PCDH15: variants seen among roughly 807,000 people sequenced by gnomAD.
The protein encoded by PCDH15 is protocadherin-15.
PCDH15 carries 129 observed loss-of-function variants against 178.5 expected under a neutral mutation model. The observed-to-expected ratio is 0.72, with a 90% CI of 0.63 to 0.84. PCDH15 has a LOEUF of 0.84. PCDH15 is among the 40% of genes least tolerant of loss of function. The probability of loss-of-function intolerance (pLI) is 0.00; values close to 1 mark genes in which losing one functional copy is unlikely to be tolerated. For synonymous variants in PCDH15, 800 were observed against 732.0 expected, an observed-to-expected ratio of 1.09 and a Z score of -1.50; for missense variants, 2,230 against 2,099.9, an observed-to-expected ratio of 1.06 and a Z score of -1.21.
chr10:55,351,617 G>A (rs1043333518), intron 2 of PCDH15, among the ~76,000 whole-genome samples: 2 of 151,970 alleles, frequency 1.3e-5, no homozygotes, highest in Admixed American at 6.6e-5. Context: ...TATTGTCATT[G>A]TTTGCTTTCT....
At position 54,075,553 on chromosome 10, in the gene PCDH15, G is replaced by A. The variant is rs148499862; in HGVS notation, c.2091+3778C>T. On this transcript the variant is annotated intron_variant, in intron 17 of 37. Transcript: ENST00000644397. Reference sequence around the variant, plus strand: ...TTGTTGTTGTTGTCTGTGTCTTTGGGGTCATAGCCAATAAATCCCTGACAA... The same window carrying A: ...TTGTTGTTGTTGTCTGTGTCTTTGGAGTCATAGCCAATAAATCCCTGACAA... 3.9e-5 allele frequency among the ~76,000 whole-genome samples: 6 copies of A among 151,914 alleles called. No individual in the cohort carries two copies. The East Asian group carries it at 7.7e-4, about 20-fold the overall frequency.
At chr10:54,247,274 T>A (rs2056041297) in intron 8 of PCDH15, among the ~76,000 whole-genome samples, 1 of 151,952 alleles carries the variant, frequency 6.6e-6, no homozygotes, top group South Asian at 2.1e-4. Context: ...CTCATCCACA[T>A]CAGAATTTAT....
intron 2 of PCDH15, among the ~76,000 whole-genome samples, chr10:55,536,644 G>C (rs1179879294): frequency 6.6e-6 from 1 of 152,074 alleles, no homozygotes; most frequent in African/African-American, 2.4e-5. Flanking sequence ...AGAAAATGCT[G>C]AAGGAATATA....
chr10:54,353,779 A>G (rs1399814794), intron 5 of PCDH15, among the ~76,000 whole-genome samples: 1 of 152,030 alleles, frequency 6.6e-6, no homozygotes, highest in African/African-American at 2.4e-5. Flanking sequence ...TCTTGATTCC[A>G]TTTTTTATCA....
At chr10:55,274,856 G>T (rs994006942) in intron 1 of PCDH15, among the ~76,000 whole-genome samples, 1 of 151,996 alleles carries the variant, frequency 6.6e-6, no homozygotes, top group Non-Finnish European at 1.5e-5. Flanking sequence ...GTTCAAAATA[G>T]GGTCCCCGCT....
intron 2 of PCDH15, among the ~76,000 whole-genome samples, chr10:55,446,129 C>T (rs920313688): frequency 6.6e-6 from 1 of 151,904 alleles, no homozygotes; most frequent in Admixed American, 6.6e-5. Context: ...ACTTTTCAGT[C>T]TTAAAAATGA....
chr10:54,532,334 G>T (rs2084010845), intron 2 of PCDH15, among the ~76,000 whole-genome samples: 1 of 152,022 alleles, frequency 6.6e-6, no homozygotes, highest in Admixed American at 6.6e-5. Context: ...TCCACAATAT[G>T]CCTTCTCCTT....
chr10:53,855,924 A>ATATATG (rs1554832808), intron 28 of PCDH15, among the ~76,000 whole-genome samples: 2 of 140,914 alleles, frequency 1.4e-5, no homozygotes, highest in East Asian at 6.0e-4. Context: ...ATATATATGT[A>ATATATG]TGTGTGTGTG....
At chr10:54,944,025 A>C (rs1001926945) in intron 2 of PCDH15, among the ~76,000 whole-genome samples, 1 of 151,912 alleles carries the variant, frequency 6.6e-6, no homozygotes, top group South Asian at 2.1e-4. Context: ...GCCTGGGTTA[A>C]ATTTCTGTCT....
chr10:53,889,526 T>C (rs2081409215), intron 26 of PCDH15, among the ~76,000 whole-genome samples: 1 of 149,394 alleles, frequency 6.7e-6, no homozygotes, highest in African/African-American at 2.6e-5. Flanking sequence ...CACATGTTCA[T>C]CACAGTGACT....
chr10:54,566,093 A>ATAC (rs1565613842), intron 2 of PCDH15, among the ~76,000 whole-genome samples: 5 of 152,008 alleles, frequency 3.3e-5, no homozygotes, highest in Non-Finnish European at 7.4e-5. Context: ...TCAATAAATA[A>ATAC]ATACATACAT....
intron 1 of PCDH15, among the ~76,000 whole-genome samples, chr10:55,180,284 C>T (rs775078637): frequency 2.6e-5 from 4 of 152,068 alleles, no homozygotes; most frequent in Non-Finnish European, 5.9e-5. Context: ...TCCAGTTGTA[C>T]AATTGTAGAA....
chr10:54,302,673 T>C (rs1427938410), intron 8 of PCDH15, among the ~76,000 whole-genome samples: 1 of 152,148 alleles, frequency 6.6e-6, no homozygotes, highest in Non-Finnish European at 1.5e-5. Flanking sequence ...TTGTGGTATT[T>C]TTTATGGCAG....
At chr10:54,912,372 C>T (rs965913559) in intron 2 of PCDH15, among the ~76,000 whole-genome samples, 1 of 151,912 alleles carries the variant, frequency 6.6e-6, no homozygotes, top group African/African-American at 2.4e-5. Flanking sequence ...AGCAGATTTG[C>T]CCTTGCTGTT....
chr10:55,219,004 G>T (rs1840791329), intron 1 of PCDH15, among the ~76,000 whole-genome samples: 1 of 151,990 alleles, frequency 6.6e-6, no homozygotes, highest in South Asian at 2.1e-4. Context: ...ACAGGAAAAT[G>T]AGTCTCTGGG....
At chr10:55,097,677 G>T (rs544907776) in intron 2 of PCDH15, among the ~76,000 whole-genome samples, 2 of 152,142 alleles carry the variant, frequency 1.3e-5, no homozygotes, top group South Asian at 4.1e-4. Context: ...GAAGAGGTAA[G>T]AAGTCACCAG....
rs143074424 is a variant in PCDH15, at chr10:54,085,820, C to A, written c.1997+4164G>T. 1.8e-3 allele frequency among the ~76,000 whole-genome samples: 281 copies of A among 151,942 alleles called. 1 individual carries two copies. The highest frequency in any genetic ancestry group is 6.0e-3 in the African/African-American group (248 of 41,446). On this transcript the variant is annotated intron_variant, in intron 16 of 37. Transcript: ENST00000644397. ...TACTACTAATTTTTTAAAAGAAATA[C>A]AAGAAAATTTTGGCATACTTTTATT...
intron 2 of PCDH15, among the ~76,000 whole-genome samples, chr10:55,108,613 A>T (rs1358871861): frequency 6.6e-6 from 1 of 152,114 alleles, no homozygotes; most frequent in East Asian, 1.9e-4. Flanking sequence ...AATTTATTTT[A>T]TGATATCAAA....
chr10:54,984,844 AT>A (rs1839324794), intron 2 of PCDH15, among the ~76,000 whole-genome samples: 1 of 152,128 alleles, frequency 6.6e-6, no homozygotes, highest in South Asian at 2.1e-4. Context: ...CTCCAAAAAA[AT>A]TTTTTTAAAG....
Sources: gnomAD v4.1 joint callset for allele counts (sites outside exome capture counted in the v4.1 genomes callset) on GRCh38, gnomAD v4.1.1 for gene constraint, MANE v1.5 for transcripts, NCBI Gene and HGNC (gene_info 2026-07-23, HGNC 2026-07-21) for gene names.